The following MMD2 variants were observed in gnomAD, a reference collection of about 807,000 sequenced individuals.
MMD2 encodes the protein monocyte to macrophage differentiation factor 2.
MMD2 carries 30 observed loss-of-function variants against 33.5 expected under a neutral mutation model. The observed-to-expected ratio is 0.90, with a 90% CI of 0.67 to 1.22. MMD2 has a LOEUF of 1.22. MMD2 is among the 50% of genes most tolerant of loss of function. The pLI, the probability that MMD2 is intolerant of heterozygous loss-of-function variation, is 0.00. For synonymous variants in MMD2, 129 were observed against 123.0 expected, an observed-to-expected ratio of 1.05 and a Z score of -0.32; for missense variants, 364 against 325.4, an observed-to-expected ratio of 1.12 and a Z score of -0.91.
intron 2 of MMD2, among the ~76,000 whole-genome samples, chr7:4,923,948 T>C (rs1158733620): frequency 6.6e-6 from 1 of 151,968 alleles, no homozygotes; most frequent in African/African-American, 2.4e-5. Flanking sequence ...ATCCCAGCCC[T>C]ATGGGAGGCC....
downstream of MMD2, among the ~76,000 whole-genome samples, chr7:4,901,314 G>A (rs987163064): frequency 2.0e-5 from 3 of 151,768 alleles, no homozygotes; most frequent in East Asian, 3.9e-4. Flanking sequence ...AGTGGTATGC[G>A]CCTGTAATCC....
chr7:4,904,948 C>A (rs945351003), downstream of MMD2, among the ~76,000 whole-genome samples: 3 of 152,140 alleles, frequency 2.0e-5, no homozygotes, highest in Non-Finnish European at 2.9e-5. Context: ...CAGAGGAAGG[C>A]CAGAAGTTCC....
the MMD2 span, among the ~76,000 whole-genome samples, chr7:4,895,798 T>G: frequency 6.6e-6 from 1 of 151,916 alleles, no homozygotes; most frequent in Admixed American, 6.6e-5. Flanking sequence ...CCTCCCAAAG[T>G]GCTGGGATTA....
At chr7:4,939,364 C>T (rs915143616) in intron 1 of MMD2, among the ~76,000 whole-genome samples, 1 of 151,958 alleles carries the variant, frequency 6.6e-6, no homozygotes, top group Non-Finnish European at 1.5e-5. Context: ...CATAGCAAGA[C>T]CCTTTCTCTA....
rs537111496 is a variant in MMD2 at position 4,942,286 on chromosome 7, G to C, written c.47+16685C>G. Among the ~76,000 whole-genome samples the C allele has an allele frequency of 5.7e-4, 86 of 150,806 alleles. 1 individual carries two copies. The highest frequency in any genetic ancestry group is 2.0e-3 in the African/African-American group (83 of 40,906). The stretch of plus-strand genomic sequence containing the variant: ...TATTTTTATTTTTTCTGTAGAGATG[G>C]GGGGGGTCTTGCCATGTTGCCCAGG... On this transcript the variant is annotated intron_variant, in intron 1 of 6. Coordinates refer to ENST00000401401, the MANE Select transcript of MMD2 (RefSeq NM_198403.4).
At chr7:4,943,929 G>A (rs1042034202) in intron 1 of MMD2, among the ~76,000 whole-genome samples, 1 of 151,634 alleles carries the variant, frequency 6.6e-6, no homozygotes, top group Non-Finnish European at 1.5e-5. Context: ...AACCTCCTGA[G>A]TAGCTGGGAC....
chr7:4,939,950 C>G (rs1229893747), intron 1 of MMD2, among the ~76,000 whole-genome samples: 1 of 152,100 alleles, frequency 6.6e-6, no homozygotes, highest in African/African-American at 2.4e-5. Flanking sequence ...CCATGTTGGC[C>G]AGGCTGGTCT....
At chr7:4,944,093 T>A (rs1785984343) in intron 1 of MMD2, among the ~76,000 whole-genome samples, 1 of 151,436 alleles carries the variant, frequency 6.6e-6, no homozygotes, top group South Asian at 2.1e-4. Flanking sequence ...CACTACCACA[T>A]CCAACACTCC....
chr7:4,908,732 A>G (rs567123501), intron 6 of MMD2, among the ~76,000 whole-genome samples: 2 of 151,714 alleles, frequency 1.3e-5, no homozygotes, highest in African/African-American at 4.8e-5. Flanking sequence ...CCCCATCTCT[A>G]CTAAAAATAC....
intron 1 of MMD2, among the ~76,000 whole-genome samples, chr7:4,941,494 G>A (rs905453751): frequency 1.3e-5 from 2 of 152,050 alleles, no homozygotes; most frequent in Non-Finnish European, 2.9e-5. Flanking sequence ...GCCGGGCGTG[G>A]TGGCGGGTGC....
At chr7:4,947,830 T>C (rs1340611860) in intron 1 of MMD2, among the ~76,000 whole-genome samples, 1 of 150,302 alleles carries the variant, frequency 6.7e-6, no homozygotes, top group Non-Finnish European at 1.5e-5. Context: ...CTCCTGAGTA[T>C]CTGGGATTAC....
At chr7:4,942,863 C>A (rs1466597839) in intron 1 of MMD2, among the ~76,000 whole-genome samples, 1 of 151,572 alleles carries the variant, frequency 6.6e-6, no homozygotes, top group East Asian at 1.9e-4. Context: ...GTGATCCACC[C>A]ACCTCAGCCT....
At chr7:4,894,415 G>C in the MMD2 span, among the ~76,000 whole-genome samples, 1 of 152,174 alleles carries the variant, frequency 6.6e-6, no homozygotes, top group Non-Finnish European at 1.5e-5. This position sits in a 1 kb window ranked among gnomAD's most constrained non-coding sequence, Gnocchi z 4.3. Flanking sequence ...CCTCGCAGGA[G>C]TAGCCAATTC....
intron 1 of MMD2, among the ~76,000 whole-genome samples, chr7:4,935,462 AT>A (rs969114772): frequency 6.6e-6 from 1 of 151,900 alleles, no homozygotes; most frequent in Non-Finnish European, 1.5e-5. Flanking sequence ...TATTATTATT[AT>A]TTTTTTAGCA....
chr7:4,906,276 G>A lies in MMD2; in HGVS notation c.*1120C>T, dbSNP rs554560850. The A allele has an allele frequency of 2.0e-4, 77 of 388,732 alleles. No homozygotes were observed. The highest frequency in any genetic ancestry group is 1.4e-3 in the African/African-American group (70 of 48,552). The allele number at this position is 388,732 out of a possible 1,614,324, so 24.1% of individuals were successfully genotyped here. On this transcript the variant is annotated 3_prime_UTR_variant, in exon 7 of 7. Coordinates refer to ENST00000401401, the MANE Select transcript of MMD2 (RefSeq NM_198403.4). The stretch of plus-strand genomic sequence containing the variant: ...AGAGAGGCTGGCCCCGCCCTGACGG[G>A]GGCTGAAGAACAGGCCCCCAGCAGC...
At chr7:4,958,920 C>G (rs1036380989) in intron 1 of MMD2, 51 bp downstream of exon 1, 2 of 1,278,628 alleles carry the variant, frequency 1.6e-6, no homozygotes, top group East Asian at 6.3e-5. Flanking sequence ...CGGCCCCCGC[C>G]GCCGCGCGCC....
At chr7:4,922,966 AC>A (rs1253894559) in intron 2 of MMD2, among the ~76,000 whole-genome samples, 1 of 152,140 alleles carries the variant, frequency 6.6e-6, no homozygotes, top group Non-Finnish European at 1.5e-5. Context: ...TGACTCAGTC[AC>A]CCACTTCCTG....
At chr7:4,925,169 G>A (rs962342618) in intron 2 of MMD2, among the ~76,000 whole-genome samples, 1 of 152,104 alleles carries the variant, frequency 6.6e-6, no homozygotes, top group African/African-American at 2.4e-5. Context: ...GACCTCAGGT[G>A]ATCTGCCCAC....
chr7:4,909,358 G>T (rs1784947304), intron 6 of MMD2, among the ~76,000 whole-genome samples: 1 of 147,784 alleles, frequency 6.8e-6, no homozygotes, highest in Admixed American at 6.9e-5. Flanking sequence ...AATTAAGCAA[G>T]AAGAACCTGC....
Sources: allele counts gnomAD v4.1 joint callset (sites outside exome capture counted in the v4.1 genomes callset), GRCh38; gene constraint gnomAD v4.1.1; non-coding constraint Gnocchi (gnomAD v3.1); transcripts MANE v1.5; gene names NCBI Gene and HGNC (gene_info 2026-07-23, HGNC 2026-07-21).